CNTN6: variants seen among roughly 807,000 people sequenced by gnomAD.
CNTN6 encodes contactin 6.
A neutral mutation model predicts 122.8 loss-of-function variants in CNTN6; 137 were observed. That is an observed-to-expected ratio of 1.12 (90% CI 0.97 to 1.29). The LOEUF (loss-of-function observed/expected upper bound fraction) is 1.29. CNTN6 is among the 50% of genes most tolerant of loss of function. The pLI is 0.00. For missense variants in CNTN6, 1,634 were observed against 1,223.4 expected, an observed-to-expected ratio of 1.34 and a Z score of -5.01; for synonymous variants, 570 against 426.0, an observed-to-expected ratio of 1.34 and a Z score of -4.16.
intron 1 of CNTN6, among the ~76,000 whole-genome samples, chr3:1,102,301 A>G (rs999717412): frequency 6.6e-6 from 1 of 152,228 alleles, no homozygotes; most frequent in African/African-American, 2.4e-5. Flanking sequence ...GCTGGAATAG[A>G]GCTTTTAGTG....
At chr3:1,388,284 A>ACCCCC (rs555674688) in intron 20 of CNTN6, among the ~76,000 whole-genome samples, 15 of 147,706 alleles carry the variant, frequency 1.0e-4, no homozygotes, top group African/African-American at 3.5e-4. Flanking sequence ...ACTGGGAGGC[A>ACCCCC]CCCCCCAGCA....
chr3:1,283,163 A>T (rs890349625), intron 5 of CNTN6, among the ~76,000 whole-genome samples: 12 of 152,120 alleles, frequency 7.9e-5, no homozygotes, highest in African/African-American at 2.9e-4. Context: ...TAGTAGAGAC[A>T]GGGTGGGTCT....
chr3:1,284,857 C>T (rs770654922), intron 5 of CNTN6, among the ~76,000 whole-genome samples: 6 of 152,142 alleles, frequency 3.9e-5, no homozygotes, highest in African/African-American at 7.2e-5. Flanking sequence ...GGGGAAACCA[C>T]GTCTAGCATG....
At chr3:1,126,286 G>A (rs957343229) in intron 1 of CNTN6, among the ~76,000 whole-genome samples, 1 of 151,758 alleles carries the variant, frequency 6.6e-6, no homozygotes, top group Non-Finnish European at 1.5e-5. Flanking sequence ...ATTCAAATGT[G>A]TCCTAATTAT....
chr3:1,251,227 A>G (rs73818515), intron 4 of CNTN6, among the ~76,000 whole-genome samples: 10,823 of 152,076 alleles, frequency 0.071, 770 homozygotes, highest in East Asian at 0.33. Context: ...CGCTGCTAAG[A>G]TGACTCTTTT....
intron 4 of CNTN6, among the ~76,000 whole-genome samples, chr3:1,254,665 T>C (rs1486730689): frequency 6.6e-6 from 1 of 152,144 alleles, no homozygotes; most frequent in Non-Finnish European, 1.5e-5. Context: ...GCATAAAAAA[T>C]GTAATAAATA....
intron 4 of CNTN6, among the ~76,000 whole-genome samples, chr3:1,271,389 G>A (rs2095024174): frequency 6.6e-6 from 1 of 152,112 alleles, no homozygotes; most frequent in African/African-American, 2.4e-5. Context: ...CAAGTAAGAG[G>A]AGTAACTAAA....
At chr3:1,103,688 C>T (rs1402471401) in intron 1 of CNTN6, among the ~76,000 whole-genome samples, 2 of 152,160 alleles carry the variant, frequency 1.3e-5, no homozygotes, top group Non-Finnish European at 2.9e-5. Context: ...ATTACACACA[C>T]AAGACACAAT....
At chr3:1,140,682 G>A (rs975585564) in intron 1 of CNTN6, among the ~76,000 whole-genome samples, 1 of 152,056 alleles carries the variant, frequency 6.6e-6, no homozygotes, top group East Asian at 1.9e-4. Context: ...ACTGAGTTAA[G>A]TTCTACAGCT....
At chr3:1,308,362 G>A (rs1373200879) in intron 7 of CNTN6, among the ~76,000 whole-genome samples, 1 of 149,292 alleles carries the variant, frequency 6.7e-6, no homozygotes, top group African/African-American at 2.4e-5. Flanking sequence ...CATTAAAGAT[G>A]TTCCAGGTTC....
At chr3:1,379,873 C>T (rs902078017) in intron 17 of CNTN6, among the ~76,000 whole-genome samples, 1 of 152,136 alleles carries the variant, frequency 6.6e-6, no homozygotes. Flanking sequence ...AAGATTCATA[C>T]ATTAGGATGA....
At chr3:1,292,492 G>C (rs1305336495) in intron 5 of CNTN6, among the ~76,000 whole-genome samples, 1 of 152,140 alleles carries the variant, frequency 6.6e-6, no homozygotes, top group Non-Finnish European at 1.5e-5. Flanking sequence ...CAGATCCCAT[G>C]ATACCTGGCT....
intron 20 of CNTN6, among the ~76,000 whole-genome samples, chr3:1,387,206 A>G (rs1358809682): frequency 6.6e-6 from 1 of 151,942 alleles, no homozygotes; most frequent in Non-Finnish European, 1.5e-5. Flanking sequence ...TAGAAAATAC[A>G]AAGTGCTGTG....
intron 2 of CNTN6, among the ~76,000 whole-genome samples, chr3:1,199,934 TAA>T (rs962591678): frequency 6.6e-6 from 1 of 152,224 alleles, no homozygotes; most frequent in Non-Finnish European, 1.5e-5. Context: ...TTACTAAAAT[TAA>T]GTTTTTCACT....
intron 11 of CNTN6, among the ~76,000 whole-genome samples, chr3:1,345,047 G>A (rs184382903): frequency 1.3e-5 from 2 of 151,256 alleles, no homozygotes; most frequent in East Asian, 3.9e-4. Context: ...TCAATCCACT[G>A]ATTAAATCTT....
At chr3:1,219,908 G>C (rs1323383609) in intron 2 of CNTN6, among the ~76,000 whole-genome samples, 2 of 151,930 alleles carry the variant, frequency 1.3e-5, no homozygotes, top group Non-Finnish European at 2.9e-5. Flanking sequence ...AGGGCTAGGT[G>C]GGAGGTTCAC....
chr3:1,150,545 G>C (rs775301039), intron 2 of CNTN6, among the ~76,000 whole-genome samples: 3 of 152,114 alleles, frequency 2.0e-5, no homozygotes, highest in Non-Finnish European at 4.4e-5. Context: ...ATACATGATT[G>C]ATTCTGGGAC....
intron 2 of CNTN6, among the ~76,000 whole-genome samples, chr3:1,168,233 T>G (rs571733912): frequency 2.6e-5 from 4 of 151,936 alleles, no homozygotes; most frequent in Non-Finnish European, 5.9e-5. Flanking sequence ...CCCTGTGTTT[T>G]AGGTTGGGCT....
intron 11 of CNTN6, among the ~76,000 whole-genome samples, chr3:1,347,279 C>T (rs1429532594): frequency 6.6e-6 from 1 of 152,104 alleles, no homozygotes; most frequent in African/African-American, 2.4e-5. Flanking sequence ...TTTTACAGAA[C>T]ATTTTAAATG....
Sources: allele counts gnomAD v4.1 joint callset (sites outside exome capture counted in the v4.1 genomes callset), GRCh38; gene constraint gnomAD v4.1.1; transcripts MANE v1.5; gene names NCBI Gene and HGNC (gene_info 2026-07-23, HGNC 2026-07-21).